Variants in RAD54L2 observed in about 807,000 individuals in gnomAD.
RAD54L2 encodes the protein helicase ARIP4.
Under a neutral mutation model 138.4 loss-of-function variants are expected in RAD54L2, and 27 were observed. The ratio of observed to expected loss-of-function variants is 0.20; its 90% CI spans 0.14 to 0.27. The LOEUF (loss-of-function observed/expected upper bound fraction) is 0.27. Among genes scored for constraint, RAD54L2 ranks in the 10% least tolerant of loss-of-function variants. The pLI is 1.00. For missense variants in RAD54L2, 1,396 were observed against 1,890.2 expected, an observed-to-expected ratio of 0.74 and a Z score of 4.85; for synonymous variants, 644 against 723.2, an observed-to-expected ratio of 0.89 and a Z score of 1.76.
intron 3 of RAD54L2, among the ~76,000 whole-genome samples, chr3:51,618,992 G>A (rs191768290): frequency 6.6e-6 from 1 of 152,166 alleles, no homozygotes. Flanking sequence ...TGCTAGGTAT[G>A]CCTTTAAGAT....
rs375131062 is a variant in RAD54L2 at position 51,637,526 on chromosome 3, C to A, written c.1682+23C>A. On this transcript the variant is annotated intron_variant, in intron 11 of 22. Transcript: ENST00000684192. This position sits in a 1 kb window ranked among gnomAD's most constrained non-coding sequence, Gnocchi z 5.9. ...GAGGTGAGCCATCCTCAGGGTCCTG[C>A]TTCCTGAATTTTCAGAGGGCCCTGT... is the stretch of plus-strand genomic sequence containing the variant. 4 of 1,587,544 alleles carry A rather than the reference C, an allele frequency of 2.5e-6. No homozygotes were observed. The African/African-American group carries it at 5.4e-5, about 21-fold the overall frequency.
chr3:51,548,887 C>T (rs1246753088), intron 2 of RAD54L2, among the ~76,000 whole-genome samples: 7 of 135,216 alleles, frequency 5.2e-5, no homozygotes, highest in African/African-American at 2.0e-4. Context: ...AGTGCAGTGG[C>T]GCCATCTCCG....
At chr3:51,596,991 C>T (rs370806028) in intron 3 of RAD54L2, among the ~76,000 whole-genome samples, 109 of 152,054 alleles carry the variant, frequency 7.2e-4, no homozygotes, top group South Asian at 3.9e-3. Context: ...ATGGTGAAAC[C>T]CCATTTCTAC....
At chr3:51,599,838 A>G (rs1700043715) in intron 3 of RAD54L2, among the ~76,000 whole-genome samples, 2 of 151,986 alleles carry the variant, frequency 1.3e-5, no homozygotes, top group African/African-American at 4.8e-5. Context: ...GGCTAGTCTC[A>G]AACTCCTGGC....
chr3:51,552,806 C>G (rs1190418538), intron 2 of RAD54L2, among the ~76,000 whole-genome samples: 1 of 150,888 alleles, frequency 6.6e-6, no homozygotes, highest in African/African-American at 2.4e-5. Context: ...ACAGTCCTCC[C>G]CACTTGGCCT....
intron 2 of RAD54L2, among the ~76,000 whole-genome samples, chr3:51,553,137 G>T (rs185282864): frequency 1.6e-3 from 247 of 152,162 alleles, no homozygotes; most frequent in Non-Finnish European, 2.9e-3. Context: ...GAGGGCAGTG[G>T]CGCAATCTCG....
At chr3:51,540,779 T>G (rs1553671161) in intron 1 of RAD54L2, among the ~76,000 whole-genome samples, 1 of 152,144 alleles carries the variant, frequency 6.6e-6, no homozygotes, top group Non-Finnish European at 1.5e-5. Flanking sequence ...TGGCTGGGTG[T>G]GGTGGCTAAC....
intron 3 of RAD54L2, among the ~76,000 whole-genome samples, chr3:51,606,197 A>G (rs1230803287): frequency 1.3e-5 from 2 of 152,180 alleles, no homozygotes; most frequent in East Asian, 3.8e-4. Context: ...CCTAAGTGCA[A>G]AAGGGATAGG....
Position 51,662,358 on chromosome 3 carries a change from G to T in RAD54L2, c.3410-68G>T, listed in dbSNP as rs1252359714. ...ACAGGACAGGATTTTTTTTAATGGAGTTTTCTCCTCTACCCTTCTTCTCTC... is the reference window on the plus strand; with the variant it reads ...ACAGGACAGGATTTTTTTTAATGGATTTTTCTCCTCTACCCTTCTTCTCTC... On this transcript the variant is annotated intron_variant, in intron 22 of 22. Coordinates refer to ENST00000684192, the MANE Select transcript of RAD54L2 (RefSeq NM_015106.4). This position sits in a 1 kb window ranked among gnomAD's most constrained non-coding sequence, Gnocchi z 4.6. 1 of 1,385,096 alleles carries T rather than the reference G, an allele frequency of 7.2e-7. No individual in the cohort carries two copies. Among genetic ancestry groups the T allele is most frequent in the Non-Finnish European group, 9.6e-7 (1 of 1,039,170 alleles). 85.8% of individuals were successfully genotyped at this position (1,385,096 alleles called of 1,614,324 possible).
intron 4 of RAD54L2, among the ~76,000 whole-genome samples, chr3:51,628,336 A>G (rs1253086322): frequency 6.6e-6 from 1 of 151,608 alleles, no homozygotes; most frequent in Non-Finnish European, 1.5e-5. Flanking sequence ...TATTACTCTG[A>G]GTTTGAAAAT....
At chr3:51,632,478 A>G (rs1179858508) in intron 7 of RAD54L2, among the ~76,000 whole-genome samples, 1 of 152,040 alleles carries the variant, frequency 6.6e-6, no homozygotes, top group Non-Finnish European at 1.5e-5. Context: ...TATTTTTAGT[A>G]GAGCCGGGGT....
chr3:51,562,344 G>T (rs145854861), intron 2 of RAD54L2, among the ~76,000 whole-genome samples: 2 of 151,846 alleles, frequency 1.3e-5, no homozygotes, highest in African/African-American at 4.8e-5. Flanking sequence ...CAATTCTCCC[G>T]CCTCAGCCTC....
intron 2 of RAD54L2, among the ~76,000 whole-genome samples, chr3:51,586,756 T>C (rs1699719293): frequency 6.6e-6 from 1 of 151,682 alleles, no homozygotes; most frequent in African/African-American, 2.4e-5. Context: ...TTAGTAGAGA[T>C]GGGGGTTTCA....
chr3:51,588,049 G>GGTGGCAGGCGCTTTT (rs1184832994), intron 2 of RAD54L2, among the ~76,000 whole-genome samples: 39 of 151,836 alleles, frequency 2.6e-4, no homozygotes, highest in Non-Finnish European at 5.2e-4. Context: ...AGCCGGGCGT[G>GGTGGCAGGCGCTTTT]GTGGCAGGCG....
intron 3 of RAD54L2, among the ~76,000 whole-genome samples, chr3:51,598,094 GAT>G (rs369698349): frequency 0.011 from 1,645 of 144,406 alleles, 24 homozygotes; most frequent in African/African-American, 0.038. Flanking sequence ...AAATACCCAT[GAT>G]ATATATATAT....
At chr3:51,661,087 G>A (rs1701758434) in intron 22 of RAD54L2, among the ~76,000 whole-genome samples, 1 of 151,384 alleles carries the variant, frequency 6.6e-6, no homozygotes, top group Non-Finnish European at 1.5e-5. Flanking sequence ...CCGATTAGCT[G>A]ATTAGCTGGG....
intron 3 of RAD54L2, among the ~76,000 whole-genome samples, chr3:51,608,692 G>A (rs1352159610): frequency 1.3e-5 from 2 of 152,224 alleles, no homozygotes; most frequent in South Asian, 2.1e-4. Context: ...CAGGTGTGGC[G>A]GCGCACGCCT....
intron 22 of RAD54L2, among the ~76,000 whole-genome samples, chr3:51,661,205 A>G (rs1183160771): frequency 6.7e-6 from 1 of 149,190 alleles, no homozygotes; most frequent in Non-Finnish European, 1.5e-5. Context: ...CAAGTGATCC[A>G]CTCACCTCGG....
intron 9 of RAD54L2, 59 bp downstream of exon 9, chr3:51,634,094 G>C (rs1700917121): frequency 1.9e-6 from 3 of 1,570,436 alleles, no homozygotes; most frequent in Non-Finnish European, 2.6e-6. Context: ...TCCGTGATCT[G>C]ATGTTAAGGC....
Sources: gnomAD v4.1 joint callset for allele counts (sites outside exome capture counted in the v4.1 genomes callset) on GRCh38, gnomAD v4.1.1 for gene constraint, Gnocchi (gnomAD v3.1) non-coding constraint, MANE v1.5 for transcripts, NCBI Gene and HGNC (gene_info 2026-07-23, HGNC 2026-07-21) for gene names.